KIF21A: variants seen among roughly 807,000 people sequenced by gnomAD.
The protein encoded by KIF21A is kinesin-like protein KIF21A.
KIF21A carries 114 observed loss-of-function variants against 202.9 expected under a neutral mutation model. The ratio of observed to expected loss-of-function variants is 0.56; its 90% CI spans 0.48 to 0.66. The LOEUF (loss-of-function observed/expected upper bound fraction) is 0.66, where lower values mean the gene tolerates loss of function less well. KIF21A is among the 30% of genes least tolerant of loss of function. KIF21A has a pLI of 0.00. For missense variants in KIF21A, 1,677 were observed against 1,994.9 expected, an observed-to-expected ratio of 0.84 and a Z score of 3.04; for synonymous variants, 667 against 670.8, an observed-to-expected ratio of 0.99 and a Z score of 0.09.
At chr12:39,371,637 C>G (rs1422156855) in intron 1 of KIF21A, among the ~76,000 whole-genome samples, 3 of 151,968 alleles carry the variant, frequency 2.0e-5, no homozygotes, top group Non-Finnish European at 4.4e-5. Context: ...GCAAGACAAC[C>G]ACAGATGAAA....
intron 1 of KIF21A, among the ~76,000 whole-genome samples, chr12:39,407,447 C>G (rs1212369375): frequency 6.6e-6 from 1 of 152,186 alleles, no homozygotes; most frequent in Non-Finnish European, 1.5e-5. Flanking sequence ...CTACTCATCC[C>G]TGAAAACCCA....
At chr12:39,297,711 A>G (rs1942537405) in intron 37 of KIF21A, among the ~76,000 whole-genome samples, 1 of 151,630 alleles carries the variant, frequency 6.6e-6, no homozygotes, top group Non-Finnish European at 1.5e-5. Context: ...CATTGTGCAC[A>G]TGTACCCTAA....
intron 31 of KIF21A, chr12:39,312,842 T>C (rs1044623301): frequency 6.6e-6 from 1 of 151,910 alleles, no homozygotes; most frequent in African/African-American, 2.4e-5. Flanking sequence ...AATAATGGTG[T>C]TGGGGAGGCT....
chr12:39,306,086 A>T (rs927485803), intron 34 of KIF21A, among the ~76,000 whole-genome samples: 1 of 152,188 alleles, frequency 6.6e-6, no homozygotes, highest in Non-Finnish European at 1.5e-5. Flanking sequence ...AGTAACAATG[A>T]ACCTTCGTTT....
intron 3 of KIF21A, 24 bp from the exon 4 acceptor site, chr12:39,368,056 T>C (rs776383943): frequency 2.7e-6 from 4 of 1,460,872 alleles, no homozygotes; most frequent in African/African-American, 2.8e-5. Flanking sequence ...ATTAGAAATC[T>C]AATTTTAGCA....
Position 39,349,424 on chromosome 12 carries a change from A to C in KIF21A, c.1673+2353T>G, listed in dbSNP as rs375782032. On this transcript the variant is annotated intron_variant, in intron 11 of 37. Transcript: ENST00000361418. ...CATTTTGCAATGCCCTCTCTGACAAATAAAATAGATAAACATGAAGCATGG... is the reference window on the plus strand; with the variant it reads ...CATTTTGCAATGCCCTCTCTGACAACTAAAATAGATAAACATGAAGCATGG... Among the ~76,000 whole-genome samples, 5 of 152,190 alleles carry C rather than the reference A, an allele frequency of 3.3e-5. No individual in the cohort carries two copies. In the East Asian group the frequency reaches 9.7e-4, roughly 29 times the overall value.
At chr12:39,393,251 G>A (rs1179953242) in intron 1 of KIF21A, among the ~76,000 whole-genome samples, 3 of 152,004 alleles carry the variant, frequency 2.0e-5, no homozygotes, top group Non-Finnish European at 2.9e-5. Flanking sequence ...AAAAGCCCTT[G>A]CACTTCCCAC....
rs1379688467 is a variant in KIF21A at position 39,309,637 on chromosome 12, T to G, written c.4226A>C (p.Tyr1409Ser). The G allele has an allele frequency of 8.7e-6, 14 of 1,613,094 alleles. No homozygotes were observed. Among genetic ancestry groups the G allele is most frequent in the Non-Finnish European group, 1.1e-5 (13 of 1,179,608 alleles). The change falls in exon 33 of 38, where the codon TAT becomes TCT. Residue 1409 changes from tyrosine (Y) to serine (S), a missense_variant. Coordinates refer to ENST00000361418, the MANE Select transcript of KIF21A (RefSeq NM_001173464.2). ...ATCTCTGATATCCCACACCTTAATA[T>G]AAGATGTTGATACAGTGAAGACCAA... ...TSLVFTVSTS[Y>S]IKVWDIRDSA...
chr12:39,346,565 A>G, intron 11 of KIF21A, 61 bp from the exon 12 acceptor site: 2 of 1,202,168 alleles, frequency 1.7e-6, no homozygotes, highest in South Asian at 4.7e-5. Context: ...ACCAGACAGT[A>G]AAAAGCGAAA....
chr12:39,332,736 T>C lies in KIF21A; in HGVS notation c.2711A>G (p.Tyr904Cys), dbSNP rs753476990. The C allele has an allele frequency of 1.9e-6, 3 of 1,613,996 alleles. No individual in the cohort carries two copies. The highest frequency in any genetic ancestry group is 2.7e-5 in the African/African-American group (2 of 74,912). ...TCGGCCAGTCAATCCTTTCCTCTGA[T>C]ATTTTTTCCTATAATCATATAAAAC... Reference protein sequence around the residue: ...TPATNGNRKKYQRKGLTGRVF... With the variant: ...TPATNGNRKKCQRKGLTGRVF... The change falls in exon 20 of 38, where the codon TAT (tyrosine) becomes TGT (cysteine). Residue 904 changes from tyrosine to cysteine, a missense_variant. Tyr to Cys is a radical substitution (Grantham distance 194, BLOSUM62 -2). Around this residue, in one of 3 missense-constraint regions of KIF21A, gnomAD observed 966 missense variants for 1,180.9 expected, o/e 0.82. Coordinates refer to ENST00000361418, the MANE Select transcript of KIF21A (RefSeq NM_001173464.2).
In KIF21A at chr12:39,341,488, T is replaced by C. The variant is rs1281957173; in HGVS notation, c.1921+17A>G. 1.9e-6 allele frequency: 3 copies of C among 1,610,112 alleles called. No homozygotes were observed. Among genetic ancestry groups the C allele is most frequent in the Admixed American group, 3.3e-5 (2 of 59,978 alleles). Reference sequence around the variant, plus strand: ...TTCCCAAAATGAATTTTTGCCCTTATACCAAAGGGCAAGTACCTTTTTCAT... The same window carrying C: ...TTCCCAAAATGAATTTTTGCCCTTACACCAAAGGGCAAGTACCTTTTTCAT... On this transcript the variant is annotated intron_variant, in intron 14 of 37. Transcript: ENST00000361418.
chr12:39,347,097 CAAATGAATATGGTTGTTATGATAT>C (rs1357642034), intron 11 of KIF21A, among the ~76,000 whole-genome samples: 1 of 151,500 alleles, frequency 6.6e-6, no homozygotes, highest in Non-Finnish European at 1.5e-5. Context: ...GTATTGCAGG[CAAATGAATATGGTTGTTATGATAT>C]CTGTGAAAAA....
chr12:39,383,505 T>C (rs1271846665), intron 1 of KIF21A, among the ~76,000 whole-genome samples: 1 of 152,188 alleles, frequency 6.6e-6, no homozygotes, highest in Non-Finnish European at 1.5e-5. Context: ...GTCAATTCAA[T>C]TTAACAAATA....
rs1242976098 is a variant in KIF21A at position 39,442,125 on chromosome 12, T to C, written c.44+802A>G. On this transcript the variant is annotated intron_variant, in intron 1 of 37. Coordinates refer to ENST00000361418, the MANE Select transcript of KIF21A (RefSeq NM_001173464.2). The surrounding 1 kb of genome is among the most constrained non-coding windows in gnomAD (Gnocchi z 5.0). The stretch of plus-strand genomic sequence containing the variant: ...GAAATATAATTTCAATACTAGGATG[T>C]ACCTAGTATTTCCAGACTCACACCC... Among the ~76,000 whole-genome samples the C allele has an allele frequency of 6.6e-6, 1 of 152,184 alleles. No individual in the cohort carries two copies. Among genetic ancestry groups the C allele is most frequent in the Non-Finnish European group, 1.5e-5 (1 of 68,022 alleles).
At chr12:39,439,748 C>T (rs1212435344) in intron 1 of KIF21A, among the ~76,000 whole-genome samples, 1 of 152,058 alleles carries the variant, frequency 6.6e-6, no homozygotes, top group African/African-American at 2.4e-5. Flanking sequence ...GAAAGAAACC[C>T]CACAGAACAT....
chr12:39,319,140 T>C (rs1944921709), intron 28 of KIF21A, among the ~76,000 whole-genome samples: 1 of 152,204 alleles, frequency 6.6e-6, no homozygotes, highest in Non-Finnish European at 1.5e-5. Flanking sequence ...TATTCACATT[T>C]ATTTTTATGT....
rs183596306 is a variant in KIF21A at position 39,394,840 on chromosome 12, G to A, written c.45-24579C>T. Among the ~76,000 whole-genome samples the A allele has an allele frequency of 9.5e-4, 144 of 152,272 alleles. 1 individual carries two copies. The highest frequency in any genetic ancestry group is 3.3e-3 in the African/African-American group (139 of 41,548). On this transcript the variant is annotated intron_variant, in intron 1 of 37. Coordinates refer to ENST00000361418, the MANE Select transcript of KIF21A (RefSeq NM_001173464.2). ...TCTAAAGAAGGGATGGGGGGCGGGG[G>A]AGTTCCTGAAACCCCCATATATATC...
At chr12:39,389,476 C>T (rs1159833567) in intron 1 of KIF21A, among the ~76,000 whole-genome samples, 1 of 152,174 alleles carries the variant, frequency 6.6e-6, no homozygotes, top group Non-Finnish European at 1.5e-5. Context: ...GATGCCCTAA[C>T]TGGCAATTAA....
chr12:39,299,882 T>C (rs1241860259), intron 37 of KIF21A, among the ~76,000 whole-genome samples: 1 of 151,946 alleles, frequency 6.6e-6, no homozygotes, highest in Non-Finnish European at 1.5e-5. Flanking sequence ...TTCTCACTTA[T>C]AAATGGGAGC....
Sources: gnomAD v4.1 joint callset for allele counts (sites outside exome capture counted in the v4.1 genomes callset) on GRCh38, gnomAD v4.1.1 for gene constraint, gnomAD v4.1.1 regional missense constraint, Gnocchi (gnomAD v3.1) non-coding constraint, MANE v1.5 for transcripts, NCBI Gene and HGNC (gene_info 2026-07-23, HGNC 2026-07-21) for gene names.